ZC3H15: variants seen among roughly 807,000 people sequenced by gnomAD.
ZC3H15 encodes zinc finger CCCH domain-containing protein 15.
ZC3H15 carries 15 observed loss-of-function variants against 51.2 expected under a neutral mutation model. The observed-to-expected ratio is 0.29, with a 90% confidence interval of 0.20 to 0.45. The LOEUF (loss-of-function observed/expected upper bound fraction) is 0.45, where lower values mean the gene tolerates loss of function less well. Among genes scored for constraint, ZC3H15 ranks in the 20% least tolerant of loss-of-function variants. ZC3H15 has a pLI of 1.00. For missense variants in ZC3H15, 381 were observed against 494.7 expected (o/e 0.77, Z 2.18); for synonymous variants, 144 against 162.8 (o/e 0.88, Z 0.88).
At chr2:186,497,085 C>A in intron 2 of ZC3H15, 1 of 406,332 alleles carries the variant, frequency 2.5e-6, no homozygotes, top group Non-Finnish European at 4.8e-6. Context: ...GTTCTTTAGA[C>A]CTCTCACTTG....
At position 186,502,513 on chromosome 2, in the gene ZC3H15, G is replaced by A. The variant is rs1410216796; in HGVS notation, c.460G>A (p.Asp154Asn). 6.2e-7 allele frequency: 1 copy of A among 1,612,364 alleles called. No individual in the cohort carries two copies. Among genetic ancestry groups the A allele is most frequent in the Non-Finnish European group, 8.5e-7 (1 of 1,179,152 alleles). ...ELEKDTMDNW[D>N]EKKLEEVVNK... is the part of the protein sequence containing the mutation. ...TTATTTAGATACTATGGATAATTGGGATGAGAAAAAGCTGGAAGAAGTAGT... is the reference window on the plus strand; with the variant it reads ...TTATTTAGATACTATGGATAATTGGAATGAGAAAAAGCTGGAAGAAGTAGT... The change falls in exon 5 of 10, where the codon GAT becomes AAT. Residue 154 changes from aspartate to asparagine, a missense_variant. Physicochemically the swap from Asp to Asn is conservative, Grantham distance 23. This residue lies in a region of ZC3H15 where 41 missense variants were observed against 86.5 expected (regional missense o/e 0.47). Transcript: ENST00000337859.
chr2:186,496,247 T>A (rs1443218702), intron 2 of ZC3H15, among the ~76,000 whole-genome samples: 2 of 152,244 alleles, frequency 1.3e-5, no homozygotes, highest in Non-Finnish European at 2.9e-5. Context: ...CTTAAAGTTC[T>A]CACTCTGTTG....
chr2:186,505,701 A>G (rs1299952689), intron 7 of ZC3H15, 39 bp from the exon 8 acceptor site: 1 of 1,607,232 alleles, frequency 6.2e-7, no homozygotes. Flanking sequence ...GAATGTTTAG[A>G]TTTTTGTCCT....
intron 2 of ZC3H15, chr2:186,499,748 C>T: frequency 2.8e-6 from 1 of 358,906 alleles, no homozygotes; most frequent in Non-Finnish European, 5.4e-6. Flanking sequence ...TGACCTAACC[C>T]AGTGTTTTTC....
chr2:186,497,331 T>TC (rs1173747467), intron 2 of ZC3H15, among the ~76,000 whole-genome samples: 3 of 152,198 alleles, frequency 2.0e-5, no homozygotes, highest in Non-Finnish European at 2.9e-5. Flanking sequence ...ACATCCATTT[T>TC]CCCAGCTTGA....
intron 1 of ZC3H15, among the ~76,000 whole-genome samples, chr2:186,494,636 C>A (rs1238834911): frequency 6.6e-6 from 1 of 152,144 alleles, no homozygotes; most frequent in Admixed American, 6.5e-5. Flanking sequence ...CTTTGCACAT[C>A]CCATAGAACT....
At chr2:186,500,662 TTTTTTGTTTTTG>T (rs575413584) in intron 3 of ZC3H15, 19 of 467,900 alleles carry the variant, frequency 4.1e-5, no homozygotes, top group Admixed American at 1.6e-4. Flanking sequence ...TTTTTTGCCT[TTTTTTGTTTTTG>T]TTTTTGTTTT....
intron 1 of ZC3H15, chr2:186,486,815 T>A (rs983666403): frequency 1.3e-5 from 3 of 238,554 alleles, no homozygotes; most frequent in Non-Finnish European, 2.4e-5. Flanking sequence ...CGCTGAACGG[T>A]CTCGGGCCAG....
At chr2:186,486,519 C>G in intron 1 of ZC3H15, 62 bp downstream of exon 1, 3 of 1,490,602 alleles carry the variant, frequency 2.0e-6, no homozygotes, top group Middle Eastern at 1.8e-4. Flanking sequence ...TTCCCCGCTC[C>G]GGGCTTCCCT....
rs779146480 is a variant in ZC3H15, at chr2:186,495,317, C to A, written c.160C>A (p.Gln54Lys). The change falls in exon 2 of 10, where the codon CAA becomes AAA. Residue 54 changes from glutamine (Q) to lysine (K), a missense_variant. This residue lies in a region of ZC3H15 where 125 missense variants were observed against 166.3 expected (regional missense o/e 0.75). Transcript: ENST00000337859. ...KAVTHQVKFG[Q>K]QNPRQVAQSE... ...TGTCACACATCAAGTTAAATTTGGT[C>A]AACAAAATCCACGTCAGGTAAGTAA... 2.0e-6 allele frequency: 3 copies of A among 1,532,996 alleles called. No individual in the cohort carries two copies. The highest frequency in any genetic ancestry group is 1.3e-5 in the South Asian group (1 of 75,398). The allele number at this position is 1,532,996 out of a possible 1,614,324, so 95.0% of individuals were successfully genotyped here.
intron 9 of ZC3H15, 56 bp downstream of exon 9, chr2:186,506,892 T>C: frequency 6.4e-7 from 1 of 1,559,426 alleles, no homozygotes; most frequent in Non-Finnish European, 8.7e-7. Context: ...CTAAAGGGGG[T>C]TATACCAGGC....
At chr2:186,494,674 C>T (rs1427475438) in intron 1 of ZC3H15, among the ~76,000 whole-genome samples, 1 of 152,130 alleles carries the variant, frequency 6.6e-6, no homozygotes, top group Non-Finnish European at 1.5e-5. Flanking sequence ...TTAGAAAAAG[C>T]TTCATAGAAA....
chr2:186,495,784 A>C (rs969422570), intron 2 of ZC3H15, among the ~76,000 whole-genome samples: 1 of 152,256 alleles, frequency 6.6e-6, no homozygotes, highest in African/African-American at 2.4e-5. Context: ...AGGCTGTAGT[A>C]CTTCACATTT....
chr2:186,507,495 A>G, intron 9 of ZC3H15: 1 of 456,554 alleles, frequency 2.2e-6, no homozygotes, highest in Non-Finnish European at 4.4e-6. Flanking sequence ...GAAGTTGATG[A>G]TAAAAGATTA....
chr2:186,502,481 C>T lies in ZC3H15; in HGVS notation c.443-15C>T, dbSNP rs769349386. 8.8e-6 allele frequency: 14 copies of T among 1,593,140 alleles called. 1 individual carries two copies. The South Asian group carries it at 1.6e-4, about 18-fold the overall frequency. On this transcript the variant is annotated splice_polypyrimidine_tract_variant and intron_variant, in intron 4 of 9. Transcript: ENST00000337859. ...AGATAAGATTACAGTATTTAATCTTCATTTCTTTATTTAGATACTATGGAT... is the reference window on the plus strand; with the variant it reads ...AGATAAGATTACAGTATTTAATCTTTATTTCTTTATTTAGATACTATGGAT...
intron 1 of ZC3H15, among the ~76,000 whole-genome samples, chr2:186,487,752 G>T (rs958217685): frequency 1.3e-5 from 2 of 152,138 alleles, no homozygotes; most frequent in Admixed American, 1.3e-4. Context: ...TAGGGATGTC[G>T]TTTTCCTCGA....
intron 1 of ZC3H15, among the ~76,000 whole-genome samples, chr2:186,487,570 A>G (rs1378227915): frequency 6.6e-6 from 1 of 152,220 alleles, no homozygotes; most frequent in African/African-American, 2.4e-5. Context: ...GCCAATTTGT[A>G]CAGTTTAAAA....
intron 5 of ZC3H15, among the ~76,000 whole-genome samples, 166 bp from the exon 6 acceptor site, chr2:186,503,866 C>A (rs1273661448): frequency 6.6e-6 from 1 of 152,196 alleles, no homozygotes; most frequent in East Asian, 1.9e-4. Flanking sequence ...TGTTGCATTT[C>A]TGCACAGAAT....
chr2:186,503,953 C>T, intron 5 of ZC3H15, 79 bp from the exon 6 acceptor site: 1 of 1,192,470 alleles, frequency 8.4e-7, no homozygotes, highest in Non-Finnish European at 1.1e-6. Flanking sequence ...TGTGTGTATA[C>T]TTGTTCCATA....
Sources: allele counts gnomAD v4.1 joint callset (sites outside exome capture counted in the v4.1 genomes callset), GRCh38; gene constraint gnomAD v4.1.1; regional missense constraint gnomAD v4.1.1; transcripts MANE v1.5; gene names NCBI Gene and HGNC (gene_info 2026-07-23, HGNC 2026-07-21).